Variants in RAD51B observed in about 807,000 individuals in gnomAD.
RAD51B encodes the protein DNA repair protein RAD51 homolog 2.
Under a neutral mutation model 42.2 loss-of-function variants are expected in RAD51B, and 38 were observed. The observed-to-expected ratio is 0.90, with a 90% CI of 0.70 to 1.18. The LOEUF (loss-of-function observed/expected upper bound fraction) is 1.18. Ranked by LOEUF, RAD51B falls within the 50% of genes most tolerant of loss-of-function variation. The pLI is 0.00. For synonymous variants in RAD51B, 154 were observed against 145.2 expected, an observed-to-expected ratio of 1.06 and a Z score of -0.43; for missense variants, 373 against 400.7, an observed-to-expected ratio of 0.93 and a Z score of 0.59.
intron 7 of RAD51B, among the ~76,000 whole-genome samples, chr14:68,119,258 T>C (rs1402160885): frequency 1.4e-5 from 2 of 146,840 alleles, no homozygotes; most frequent in East Asian, 3.9e-4. Context: ...CAGTTCTTGA[T>C]GTTAATTTCT....
intron 10 of RAD51B, among the ~76,000 whole-genome samples, chr14:68,583,565 G>T (rs1890310973): frequency 6.6e-6 from 1 of 152,262 alleles, no homozygotes; most frequent in South Asian, 2.1e-4. Flanking sequence ...ACCCCTCAGA[G>T]TTCCACACTG....
At chr14:68,363,507 G>A (rs1299102506) in intron 8 of RAD51B, among the ~76,000 whole-genome samples, 2 of 152,182 alleles carry the variant, frequency 1.3e-5, no homozygotes, top group Admixed American at 1.3e-4. Flanking sequence ...CAGGTGTGCA[G>A]GCTCTGAGTG....
At chr14:68,453,109 T>C (rs1337446745) in intron 9 of RAD51B, among the ~76,000 whole-genome samples, 1 of 152,158 alleles carries the variant, frequency 6.6e-6, no homozygotes. Flanking sequence ...ATTAAGATAA[T>C]GTTACTAAAT....
At chr14:68,389,364 T>C (rs528101365) in intron 8 of RAD51B, among the ~76,000 whole-genome samples, 8 of 152,316 alleles carry the variant, frequency 5.3e-5, no homozygotes, top group Admixed American at 1.3e-4. Flanking sequence ...TTTTGAACTT[T>C]ATATAAATGG....
At chr14:68,471,693 C>CAA (rs35932002) in intron 10 of RAD51B, among the ~76,000 whole-genome samples, 2,662 of 130,540 alleles carry the variant, frequency 0.02, 62 homozygotes, top group Admixed American at 0.068. Context: ...TCTCCTTTTG[C>CAA]AAAAAAAAAA....
chr14:67,959,542 C>T lies in RAD51B; in HGVS notation c.756+72338C>T, dbSNP rs151033398. ...GATTACAGGCATGAGCCACCGCACC[C>T]GGCCAATACTTTCTTTTGAAATTTA... On this transcript the variant is annotated intron_variant, in intron 7 of 10. Coordinates refer to ENST00000471583, the MANE Select transcript of RAD51B (RefSeq NM_133510.4). 5.2e-3 allele frequency among the ~76,000 whole-genome samples: 798 copies of T among 152,232 alleles called. 5 individuals are homozygous for T. The highest frequency in any genetic ancestry group is 0.014 in the East Asian group (72 of 5,170).
chr14:68,399,768 C>T (rs1298673709), intron 8 of RAD51B, among the ~76,000 whole-genome samples: 1 of 152,156 alleles, frequency 6.6e-6, no homozygotes, highest in African/African-American at 2.4e-5. Flanking sequence ...GTACAATGAT[C>T]TCACCCAGGA....
chr14:68,524,556 A>G (rs919046632), intron 10 of RAD51B, among the ~76,000 whole-genome samples: 6 of 152,178 alleles, frequency 3.9e-5, no homozygotes, highest in African/African-American at 1.4e-4. Context: ...TGTGCCTAAC[A>G]GATCCGAGAT....
intron 7 of RAD51B, among the ~76,000 whole-genome samples, chr14:68,115,119 A>C (rs1405337560): frequency 5.0e-5 from 7 of 138,698 alleles, no homozygotes; most frequent in Non-Finnish European, 1.0e-4. Flanking sequence ...GGCATTATTC[A>C]CAATAGCAAA....
chr14:68,561,222 A>C (rs1889133095), intron 10 of RAD51B, among the ~76,000 whole-genome samples: 1 of 152,356 alleles, frequency 6.6e-6, no homozygotes, highest in East Asian at 1.9e-4. Context: ...CTGGTGATCA[A>C]CGTATCCTAA....
At chr14:68,357,192 C>T (rs919554757) in intron 8 of RAD51B, among the ~76,000 whole-genome samples, 1 of 152,186 alleles carries the variant, frequency 6.6e-6, no homozygotes, top group African/African-American at 2.4e-5. Context: ...GTCATTTCAA[C>T]ATTGTTCATA....
chr14:67,873,189 G>T (rs1011335020), intron 5 of RAD51B, among the ~76,000 whole-genome samples: 2 of 152,034 alleles, frequency 1.3e-5, no homozygotes, highest in Non-Finnish European at 2.9e-5. Flanking sequence ...CAACCTACTC[G>T]TCTGACAAAG....
chr14:67,845,966 CA>C (rs1352868876), intron 4 of RAD51B, among the ~76,000 whole-genome samples: 1 of 152,154 alleles, frequency 6.6e-6, no homozygotes, highest in Non-Finnish European at 1.5e-5. Context: ...TTCAGGCCCC[CA>C]GCTTTGTTCT....
At chr14:67,898,904 CAA>C (rs2043514010) in intron 7 of RAD51B, among the ~76,000 whole-genome samples, 1 of 152,082 alleles carries the variant, frequency 6.6e-6, no homozygotes, top group Non-Finnish European at 1.5e-5. Context: ...ATACAAGTAA[CAA>C]AATGTAAATT....
chr14:67,842,778 C>G (rs750676975), intron 4 of RAD51B, among the ~76,000 whole-genome samples: 1 of 152,080 alleles, frequency 6.6e-6, no homozygotes, highest in Non-Finnish European at 1.5e-5. Context: ...CCAAATTTTG[C>G]CTGTTTAGAA....
At chr14:68,451,984 T>A (rs1307493902) in intron 9 of RAD51B, among the ~76,000 whole-genome samples, 1 of 152,204 alleles carries the variant, frequency 6.6e-6, no homozygotes, top group Non-Finnish European at 1.5e-5. Context: ...ACTATAGTAA[T>A]CACACAGCCA....
At chr14:68,199,031 T>A (rs1428382037) in intron 7 of RAD51B, among the ~76,000 whole-genome samples, 3 of 152,236 alleles carry the variant, frequency 2.0e-5, no homozygotes, top group African/African-American at 7.2e-5. Flanking sequence ...CTCCAGCTAT[T>A]CGTAGATAGC....
intron 10 of RAD51B, among the ~76,000 whole-genome samples, chr14:68,645,675 T>A (rs1382383521): frequency 1.3e-5 from 2 of 152,220 alleles, no homozygotes; most frequent in African/African-American, 4.8e-5. Flanking sequence ...TTTTCTCCTT[T>A]TTTTAGTGAT....
At chr14:67,852,380 G>A (rs1282868288) in intron 4 of RAD51B, among the ~76,000 whole-genome samples, 2 of 152,236 alleles carry the variant, frequency 1.3e-5, no homozygotes, top group African/African-American at 4.8e-5. Context: ...TCCAAGGTTG[G>A]TGGGGATCCC....
Sources: allele counts gnomAD v4.1 joint callset (sites outside exome capture counted in the v4.1 genomes callset), GRCh38; gene constraint gnomAD v4.1.1; transcripts MANE v1.5; gene names NCBI Gene and HGNC (gene_info 2026-07-23, HGNC 2026-07-21).